Variants in SPTA1 observed in about 807,000 individuals in gnomAD.
The protein encoded by SPTA1 is spectrin alpha chain, erythrocytic 1.
A neutral mutation model predicts 324.7 loss-of-function variants in SPTA1; 177 were observed. The observed-to-expected ratio is 0.55, with a 90% confidence interval of 0.48 to 0.62. The LOEUF is 0.62. SPTA1 is among the 20% of genes least tolerant of loss of function. The pLI, the probability that SPTA1 is intolerant of heterozygous loss-of-function variation, is 0.00. For synonymous variants in SPTA1, 1,195 were observed against 1,041.3 expected, an observed-to-expected ratio of 1.15 and a Z score of -2.84; for missense variants, 3,162 against 2,883.6, an observed-to-expected ratio of 1.10 and a Z score of -2.21.
chr1:158,623,341 C>G, intron 42 of SPTA1, 149 bp from the exon 43 acceptor site: 2 of 782,836 alleles, frequency 2.6e-6, no homozygotes, highest in Non-Finnish European at 4.5e-6. Context: ...GAGATGTAAG[C>G]AAACATTTGG....
At chr1:158,613,590 C>T in intron 50 of SPTA1, 131 bp downstream of exon 50, 1 of 1,322,504 alleles carries the variant, frequency 7.6e-7, no homozygotes, top group South Asian at 1.2e-5. Flanking sequence ...CTGCCTAATT[C>T]ATTTATGGTT....
At chr1:158,639,460 G>A in intron 35 of SPTA1, 122 bp downstream of exon 35, 1 of 982,840 alleles carries the variant, frequency 1.0e-6, no homozygotes, top group South Asian at 1.3e-5. Flanking sequence ...ATGACTGCTG[G>A]TTGAGAACAC....
chr1:158,669,602 A>G (rs1303845999), intron 13 of SPTA1, 39 bp from the exon 14 acceptor site: 3 of 1,614,100 alleles, frequency 1.9e-6, no homozygotes, highest in Non-Finnish European at 2.5e-6. Flanking sequence ...CAGCACAACC[A>G]AATATGGACA....
intron 16 of SPTA1, among the ~76,000 whole-genome samples, chr1:158,664,598 A>G (rs540649169): frequency 3.3e-5 from 5 of 152,308 alleles, no homozygotes; most frequent in Admixed American, 2.0e-4. Context: ...GCAAACCACC[A>G]TGGTACATGT....
At position 158,614,313 on chromosome 1, in the gene SPTA1, GA is replaced by G. The variant is rs5778083; in HGVS notation, c.6789-8del. 15,528 of 1,417,802 alleles carry G rather than the reference GA, an allele frequency of 0.011. 47 individuals are homozygous for G. The highest frequency in any genetic ancestry group is 0.042 in the Middle Eastern group (226 of 5,344). The allele number at this position is 1,417,802 out of a possible 1,614,324, so 87.8% of individuals were successfully genotyped here. ...ACTCACACCTTTGATGTCCCTGAAA[GA>G]AAAAAAAAAAACATGAATTTTCCCT... On this transcript the variant is annotated splice_polypyrimidine_tract_variant and splice_region_variant and intron_variant, in intron 48 of 51. Transcript: ENST00000643759.
chr1:158,660,338 A>C (rs111876847), intron 18 of SPTA1, among the ~76,000 whole-genome samples: 1,856 of 152,314 alleles, frequency 0.012, 33 homozygotes, highest in African/African-American at 0.042. Context: ...AGAAATATGC[A>C]CTATGCAAAA....
Position 158,677,696 on chromosome 1 carries a change from A to G in SPTA1, c.951T>C (p.Ser317=). 6 of 1,613,356 alleles carry G rather than the reference A, an allele frequency of 3.7e-6. No homozygotes were observed. The South Asian group carries it at 4.4e-5, about 12-fold the overall frequency. The stretch of plus-strand genomic sequence containing the variant: ...TTCTCTAACAGCGCATTACCTTGTC[A>G]CTCATGACAGCAAGATTTCTCTCAA... ...KGLERNLAVM[S]DKVKELCAKA... is the part of the protein sequence containing the mutation. The change falls in exon 7 of 52, where the codon AGT becomes AGC. Residue 317 remains serine, a synonymous_variant. Transcript: ENST00000643759.
At chr1:158,622,584 G>A (rs1173166274) in intron 43 of SPTA1, 1 of 221,350 alleles carries the variant, frequency 4.5e-6, no homozygotes, top group Non-Finnish European at 9.1e-6. Flanking sequence ...CTTCAACCTA[G>A]GAAAGCTTGA....
chr1:158,639,729 G>A (rs1347145839), intron 34 of SPTA1, 43 bp from the exon 35 acceptor site: 3 of 1,612,100 alleles, frequency 1.9e-6, no homozygotes, highest in Non-Finnish European at 2.5e-6. Context: ...AGGTGAAACT[G>A]CCTTTAAGGA....
At chr1:158,655,707 G>T in intron 20 of SPTA1, among the ~76,000 whole-genome samples, 1 of 152,134 alleles carries the variant, frequency 6.6e-6, no homozygotes, top group East Asian at 1.9e-4. Flanking sequence ...TAAGAAGTGT[G>T]TCTCTTTTTT....
At chr1:158,632,475 A>G (rs1263742058) in intron 39 of SPTA1, among the ~76,000 whole-genome samples, 1 of 152,228 alleles carries the variant, frequency 6.6e-6, no homozygotes, top group Non-Finnish European at 1.5e-5. Flanking sequence ...ATCAAAATGA[A>G]CAAACTAACA....
intron 33 of SPTA1, among the ~76,000 whole-genome samples, chr1:158,640,684 G>T (rs1001761771): frequency 2.0e-5 from 3 of 152,134 alleles, no homozygotes; most frequent in African/African-American, 7.2e-5. Context: ...ACAAACAAAT[G>T]GAAGAATATT....
At chr1:158,629,160 A>ATTT (rs1377550455) in intron 39 of SPTA1, among the ~76,000 whole-genome samples, 2 of 147,028 alleles carry the variant, frequency 1.4e-5, no homozygotes, top group African/African-American at 5.0e-5. Context: ...ATAGATAGAT[A>ATTT]TGTCTATCAA....
At chr1:158,686,156 C>T (rs1432108348) in intron 1 of SPTA1, among the ~76,000 whole-genome samples, 1 of 152,140 alleles carries the variant, frequency 6.6e-6, no homozygotes, top group East Asian at 1.9e-4. Context: ...CATTATTCCT[C>T]CTAAGTATAA....
Position 158,669,420 on chromosome 1 carries a change from A to G in SPTA1, c.1821T>C (p.Asp607=), listed in dbSNP as rs1325709148. Residue 607 remains aspartate, a synonymous_variant, in exon 14 of 52, where the codon GAT becomes GAC. Transcript: ENST00000643759. ...AAACTCTGCCTACCTTGTAATCTTC[A>G]TCATCTGCCAACTTTTTCTTCTTGT... ...WINKKKKLAD[D]EDYKDIQNLK... 15 of 1,614,068 alleles carry G rather than the reference A, an allele frequency of 9.3e-6. No individual in the cohort carries two copies. The highest frequency in any genetic ancestry group is 1.3e-5 in the Non-Finnish European group (15 of 1,179,952).
At chr1:158,657,346 C>T (rs888788998) in intron 19 of SPTA1, 131 bp downstream of exon 19, 52 of 916,814 alleles carry the variant, frequency 5.7e-5, no homozygotes, top group African/African-American at 1.3e-4. Context: ...TGAAGGCCAA[C>T]GGCGACCACT....
chr1:158,676,402 A>G, intron 7 of SPTA1, 107 bp from the exon 8 acceptor site: 1 of 1,185,876 alleles, frequency 8.4e-7, no homozygotes, highest in Non-Finnish European at 1.2e-6. Flanking sequence ...AATAATTTAG[A>G]AATCGACATA....
At position 158,671,472 on chromosome 1, in the gene SPTA1, C is replaced by T; in HGVS notation, c.1489-19G>A. 6.3e-7 allele frequency: 1 copy of T among 1,591,914 alleles called. No homozygotes were observed. The highest frequency in any genetic ancestry group is 8.6e-7 in the Non-Finnish European group (1 of 1,161,514). On this transcript the variant is annotated intron_variant, in intron 11 of 51. Transcript: ENST00000643759. ...GGAAGGCCTGTAGAAGACAGAAAGA[C>T]ACACCTAAGCTGTGTCTGACCGGTA...
chr1:158,627,646 T>C lies in SPTA1; in HGVS notation c.5643A>G (p.Gln1881=), dbSNP rs375384407. ...TCACCTTATTTAGGATGTCTTCTCC[T>C]TGTGCACACACATTTTGTACTCGGG... The part of the protein sequence containing the change: ...HETRVQNVCA[Q]GEDILNKVLQ... The change falls in exon 40 of 52, where the codon CAA becomes CAG. Residue 1881 remains glutamine, a synonymous_variant. Coordinates refer to ENST00000643759, the MANE Select transcript of SPTA1 (RefSeq NM_003126.4). 25 of 1,613,450 alleles carry C rather than the reference T, an allele frequency of 1.5e-5. No homozygotes were observed. Among genetic ancestry groups the C allele is most frequent in the Non-Finnish European group, 2.1e-5 (25 of 1,179,756 alleles).
Sources: allele counts gnomAD v4.1 joint callset (sites outside exome capture counted in the v4.1 genomes callset), GRCh38; gene constraint gnomAD v4.1.1; transcripts MANE v1.5; gene names NCBI Gene and HGNC (gene_info 2026-07-23, HGNC 2026-07-21).